PRXL2C: variants seen among roughly 807,000 people sequenced by gnomAD.
PRXL2C encodes peroxiredoxin-like 2C.
A neutral mutation model predicts 24.9 loss-of-function variants in PRXL2C; 38 were observed. The observed-to-expected ratio is 1.53, with a 90% CI of 1.18 to 2.00. The LOEUF (loss-of-function observed/expected upper bound fraction) is 2.00, where lower values mean the gene tolerates loss of function less well. Ranked by LOEUF, PRXL2C falls within the 30% of genes most tolerant of loss-of-function variation. The pLI, the probability that PRXL2C is intolerant of heterozygous loss-of-function variation, is 0.00. For synonymous variants in PRXL2C, 98 were observed against 117.2 expected (o/e 0.84, Z 1.06); for missense variants, 294 against 290.9 (o/e 1.01, Z -0.08).
At position 96,640,698 on chromosome 9, in the gene PRXL2C, G is replaced by C. The variant is rs1340949878; in HGVS notation, c.*1061C>G. The C allele has an allele frequency of 6.6e-6, 1 of 151,014 alleles. No homozygotes were observed. Among genetic ancestry groups the C allele is most frequent in the East Asian group, 1.9e-4 (1 of 5,140 alleles). 9.4% of individuals were successfully genotyped at this position (151,014 alleles called of 1,614,324 possible). A position where few individuals can be genotyped will look rare whatever the true frequency, so the allele number is the denominator to read the frequency against. On this transcript the variant is annotated 3_prime_UTR_variant, in exon 6 of 6. Transcript: ENST00000375234. ...ATACAAAAAATTAGCCGGGCGTGGT[G>C]GTGGGTGCCTGTAGTCCCAGCTACT... is the stretch of plus-strand genomic sequence containing the variant.
At chr9:96,650,846 TTTTG>T (rs1848256058) in intron 4 of PRXL2C, among the ~76,000 whole-genome samples, 1 of 152,182 alleles carries the variant, frequency 6.6e-6, no homozygotes, top group South Asian at 2.1e-4. Context: ...TGAAAATCCT[TTTTG>T]TTTTCACAAA....
chr9:96,649,522 C>A (rs1848240994), intron 4 of PRXL2C, among the ~76,000 whole-genome samples: 1 of 139,400 alleles, frequency 7.2e-6, no homozygotes, highest in Non-Finnish European at 1.5e-5. Flanking sequence ...CGAGATCACA[C>A]CATCACACTC....
In PRXL2C at chr9:96,640,928, T is replaced by C. The variant is rs1848105768; in HGVS notation, c.*831A>G. The stretch of plus-strand genomic sequence containing the variant: ...TCTTAAATATCTAAAACAATTTTTT[T>C]CTCCATAGCTCCCCCAACCCCCCAA... On this transcript the variant is annotated 3_prime_UTR_variant, in exon 6 of 6. Transcript: ENST00000375234. 1 of 152,104 alleles carries C rather than the reference T, an allele frequency of 6.6e-6. No individual in the cohort carries two copies. The highest frequency in any genetic ancestry group is 1.5e-5 in the Non-Finnish European group (1 of 68,066). 9.4% of individuals were successfully genotyped at this position (152,104 alleles called of 1,614,324 possible).
chr9:96,649,576 C>CA (rs1240192655), intron 4 of PRXL2C, among the ~76,000 whole-genome samples: 2 of 119,240 alleles, frequency 1.7e-5, no homozygotes, highest in East Asian at 3.9e-4. Context: ...AAACAAAAAA[C>CA]AAAAAACAAA....
intron 5 of PRXL2C, 109 bp downstream of exon 5, chr9:96,645,784 G>A (rs373746589): frequency 2.5e-5 from 32 of 1,288,636 alleles, no homozygotes; most frequent in South Asian, 9.1e-5. Flanking sequence ...GCGACAGAGC[G>A]AGACTCCCTC....
chr9:96,650,126 G>A (rs548354568), intron 4 of PRXL2C, among the ~76,000 whole-genome samples: 1 of 152,106 alleles, frequency 6.6e-6, no homozygotes, highest in Non-Finnish European at 1.5e-5. Flanking sequence ...TGCTGACAAA[G>A]GTATTTCTAG....
chr9:96,645,131 G>C (rs930601246), intron 5 of PRXL2C, among the ~76,000 whole-genome samples: 8 of 151,116 alleles, frequency 5.3e-5, no homozygotes, highest in South Asian at 2.1e-4. Context: ...GGATGGTCTT[G>C]ATCTCCTGAC....
chr9:96,642,963 G>A (rs1295274564), intron 5 of PRXL2C, among the ~76,000 whole-genome samples: 1 of 152,182 alleles, frequency 6.6e-6, no homozygotes, highest in African/African-American at 2.4e-5. Flanking sequence ...TGCTGAATAT[G>A]TACAGACATT....
rs1848088725 is a variant in PRXL2C at position 96,639,592 on chromosome 9, T to C, written c.*2167A>G. Reference sequence around the variant, plus strand: ...CACAAAATAGTTTAAATGAGAAATTTCATTTTTATTGAATAAAAACATTAT... The same window carrying C: ...CACAAAATAGTTTAAATGAGAAATTCCATTTTTATTGAATAAAAACATTAT... On this transcript the variant is annotated 3_prime_UTR_variant, in exon 6 of 6. Transcript: ENST00000375234. 6.6e-6 allele frequency: 1 copy of C among 152,220 alleles called. No individual in the cohort carries two copies. The highest frequency in any genetic ancestry group is 6.5e-5 in the Admixed American group (1 of 15,288). The allele number at this position is 152,220 out of a possible 1,614,324, so 9.4% of individuals were successfully genotyped here.
intron 1 of PRXL2C, 95 bp downstream of exon 1, chr9:96,654,995 T>C: frequency 2.2e-6 from 3 of 1,357,156 alleles, no homozygotes; most frequent in South Asian, 1.6e-5. Flanking sequence ...TGCCTTCCCG[T>C]TTCCGTCCTA....
intron 2 of PRXL2C, among the ~76,000 whole-genome samples, chr9:96,653,637 C>A (rs1848306206): frequency 6.6e-6 from 1 of 152,102 alleles, no homozygotes; most frequent in Admixed American, 6.6e-5. Context: ...TGTATTATCT[C>A]GATTTAATCA....
chr9:96,648,791 G>A (rs78227533), intron 4 of PRXL2C, among the ~76,000 whole-genome samples: 3 of 149,548 alleles, frequency 2.0e-5, no homozygotes, highest in Admixed American at 6.6e-5. Flanking sequence ...TTTTTTTTTT[G>A]AGACAGAGTT....
At position 96,639,769 on chromosome 9, in the gene PRXL2C, G is replaced by A. The variant is rs1293537024; in HGVS notation, c.*1990C>T. 6.6e-6 allele frequency: 1 copy of A among 152,004 alleles called. No individual in the cohort carries two copies. The highest frequency in any genetic ancestry group is 1.9e-4 in the East Asian group (1 of 5,184). 9.4% of individuals were successfully genotyped at this position (152,004 alleles called of 1,614,324 possible). On this transcript the variant is annotated 3_prime_UTR_variant, in exon 6 of 6. Transcript: ENST00000375234. The stretch of plus-strand genomic sequence containing the variant: ...TGCTATACTTTTCATCAGGATTTCT[G>A]GGACACCTCCCAACTAAACATATTA...
chr9:96,642,146 G>T (rs1426067688), intron 5 of PRXL2C, among the ~76,000 whole-genome samples: 1 of 152,070 alleles, frequency 6.6e-6, no homozygotes, highest in Non-Finnish European at 1.5e-5. Context: ...ATAACCTTCT[G>T]TTAGGTTTTA....
At chr9:96,644,741 A>C (rs1223607148) in intron 5 of PRXL2C, among the ~76,000 whole-genome samples, 2 of 151,930 alleles carry the variant, frequency 1.3e-5, no homozygotes, top group Non-Finnish European at 2.9e-5. Context: ...CAGCCTCCCA[A>C]AATGCTGGGA....
At position 96,650,647 on chromosome 9, in the gene PRXL2C, T is replaced by C. The variant is rs1435197047; in HGVS notation, c.421+743A>G. On this transcript the variant is annotated intron_variant, in intron 4 of 5. Transcript: ENST00000375234. ...ATTTCCTCAATTAAAGGAGATGGGA[T>C]ATTAAAGACATGGTACTGAGGTATA... Among the ~76,000 whole-genome samples, 6 of 152,198 alleles carry C rather than the reference T, an allele frequency of 3.9e-5. No individual in the cohort carries two copies. In the East Asian group the frequency reaches 1.2e-3, roughly 29 times the overall value.
chr9:96,651,473 T>C lies in PRXL2C; in HGVS notation c.338A>G (p.Tyr113Cys). 6.2e-7 allele frequency: 1 copy of C among 1,611,810 alleles called. No homozygotes were observed. Residue 113 changes from tyrosine to cysteine, a missense_variant, in exon 4 of 6, where the codon TAT becomes TGT. Tyr to Cys is a radical substitution (Grantham distance 194, BLOSUM62 -2). Transcript: ENST00000375234. ...HIEPFCKLTG[Y>C]SHEIYVDPER... ...AGGATCGACATAGATTTCATGAGAA[T>C]ATCCAGTCAGCTTGCAAAAAGGCTG... is the stretch of plus-strand genomic sequence containing the variant.
chr9:96,644,224 G>A lies in PRXL2C; in HGVS notation c.553+1669C>T, dbSNP rs527795925. 3.7e-4 allele frequency among the ~76,000 whole-genome samples: 56 copies of A among 152,036 alleles called. 1 individual carries two copies. Among genetic ancestry groups the A allele is most frequent in the South Asian group, 2.7e-3 (13 of 4,810 alleles). On this transcript the variant is annotated intron_variant, in intron 5 of 5. Coordinates refer to ENST00000375234, the MANE Select transcript of PRXL2C (RefSeq NM_153698.2). ...TCATTAAGCAGACAGTTTTAAAGAG[G>A]AAGAAAAAACAAAAAGATGGTCTTA...
chr9:96,646,933 G>A (rs1057289220), intron 4 of PRXL2C, among the ~76,000 whole-genome samples: 7 of 152,062 alleles, frequency 4.6e-5, no homozygotes, highest in Admixed American at 2.6e-4. Context: ...TGGGATTACA[G>A]GCATGTGCCA....
Sources: gnomAD v4.1 joint callset for allele counts (sites outside exome capture counted in the v4.1 genomes callset) on GRCh38, gnomAD v4.1.1 for gene constraint, MANE v1.5 for transcripts, NCBI Gene and HGNC (gene_info 2026-07-23, HGNC 2026-07-21) for gene names.